Variants in TRIM37 observed in about 807,000 individuals in gnomAD.
TRIM37 encodes tripartite motif containing 37.
Under a neutral mutation model 129.8 loss-of-function variants are expected in TRIM37, and 80 were observed. The ratio of observed to expected loss-of-function variants is 0.62; its 90% CI spans 0.51 to 0.74. The LOEUF (loss-of-function observed/expected upper bound fraction) is 0.74, where lower values mean the gene tolerates loss of function less well. TRIM37 is among the 30% of genes least tolerant of loss of function. The pLI is 0.00. For missense variants in TRIM37, 1,054 were observed against 1,176.5 expected (o/e 0.90, Z 1.52); for synonymous variants, 389 against 387.1 (o/e 1.00, Z -0.06).
intron 17 of TRIM37, among the ~76,000 whole-genome samples, chr17:59,036,447 GGTGTGTGTGTGTGTGT>G (rs10625636): frequency 6.4e-5 from 9 of 140,582 alleles, no homozygotes; most frequent in Non-Finnish European, 7.6e-5. Flanking sequence ...ATTTGCTGGG[GGTGTGTGTGTGTGTGT>G]GTGTGTGTGT....
In TRIM37 at chr17:59,071,312, G is replaced by A. The variant is rs371345539; in HGVS notation, c.685-365C>T. On this transcript the variant is annotated intron_variant, in intron 8 of 23. Transcript: ENST00000262294. ...TTTTTTTTTTTTTTTTTGAGACAGA[G>A]TCTTGCTCTGTTGCCCAGGCTGGAG... Among the ~76,000 whole-genome samples the A allele has an allele frequency of 5.1e-4, 72 of 140,722 alleles. No individual in the cohort carries two copies. The Middle Eastern group carries it at 0.011, about 22-fold the overall frequency. 92.3% of individuals were successfully genotyped at this position (140,722 alleles called of 152,430 possible). A position where few individuals can be genotyped will look rare whatever the true frequency, so the allele number is the denominator to read the frequency against.
At position 59,028,571 on chromosome 17, in the gene TRIM37, T is replaced by G; in HGVS notation, c.2101A>C (p.Ser701Arg). The change falls in exon 19 of 24, where the codon AGC becomes CGC. Residue 701 changes from serine (S) to arginine (R), a missense_variant. This residue lies in a region of TRIM37 where 752 missense variants were observed against 870.8 expected (regional missense o/e 0.86). Transcript: ENST00000262294. Reference sequence around the variant, plus strand: ...ATGTCTCCAGAAGCAGCACTGCTGCTTTTTATTTCTGAAAGTGTATTCTTT... The same window carrying G: ...ATGTCTCCAGAAGCAGCACTGCTGCGTTTTATTTCTGAAAGTGTATTCTTT... ...DVKNTLSEIK[S>R]SSAASGDMQT... 6.2e-7 allele frequency: 1 copy of G among 1,614,256 alleles called. No homozygotes were observed. The highest frequency in any genetic ancestry group is 8.5e-7 in the Non-Finnish European group (1 of 1,180,044).
intron 22 of TRIM37, 98 bp downstream of exon 22, chr17:59,012,227 GCAC>G (rs1555639577): frequency 1.3e-3 from 813 of 604,852 alleles, no homozygotes; most frequent in Middle Eastern, 1.8e-3. Context: ...AGCAGCAGCA[GCAC>G]CACCACCACC....
chr17:59,041,440 T>C (rs1325170851), intron 17 of TRIM37, among the ~76,000 whole-genome samples: 5 of 152,184 alleles, frequency 3.3e-5, no homozygotes, highest in African/African-American at 4.8e-5. Flanking sequence ...TCAGAAAGAA[T>C]AGTATAAAAT....
chr17:58,978,206 A>G (rs946436217), downstream of TRIM37, among the ~76,000 whole-genome samples: 1 of 152,224 alleles, frequency 6.6e-6, no homozygotes. Context: ...CAAGTAGAAG[A>G]GCTAGGATTT....
intron 17 of TRIM37, among the ~76,000 whole-genome samples, chr17:59,035,274 T>C (rs2038339139): frequency 6.6e-6 from 1 of 151,750 alleles, no homozygotes; most frequent in South Asian, 2.1e-4. Flanking sequence ...TTGGCCAGGC[T>C]GGTCTTGAAC....
the TRIM37 span, chr17:58,969,783 G>A: frequency 6.5e-7 from 1 of 1,542,742 alleles, no homozygotes; most frequent in African/African-American, 1.4e-5. Context: ...GCTCAATTTG[G>A]TCTGTGTGGT....
intron 2 of TRIM37, among the ~76,000 whole-genome samples, chr17:59,098,557 C>CA (rs900107912): frequency 6.6e-6 from 1 of 150,638 alleles, no homozygotes; most frequent in South Asian, 2.1e-4. Context: ...CCCAGCTACT[C>CA]AAGAGTGTGA....
At chr17:59,042,595 T>C (rs963926277) in intron 16 of TRIM37, among the ~76,000 whole-genome samples, 9 of 150,644 alleles carry the variant, frequency 6.0e-5, no homozygotes, top group African/African-American at 9.8e-5. Flanking sequence ...AAACCCTGTC[T>C]CTCCTAAAAA....
At position 59,106,399 on chromosome 17, in the gene TRIM37, G is replaced by C. The variant is rs771557839; in HGVS notation, c.21+42C>G. On this transcript the variant is annotated intron_variant, in intron 1 of 23. Transcript: ENST00000262294. ...CTCCCCGAATAAAAACCGCTCATCG[G>C]GTGGGGGCGGGGACTAACCACCACC... 13 of 1,613,232 alleles carry C rather than the reference G, an allele frequency of 8.1e-6. No homozygotes were observed. In the South Asian group the frequency reaches 1.3e-4, roughly 16 times the overall value.
intron 19 of TRIM37, among the ~76,000 whole-genome samples, chr17:59,025,349 A>G (rs1332671510): frequency 2.0e-5 from 3 of 151,752 alleles, no homozygotes; most frequent in Non-Finnish European, 4.4e-5. Flanking sequence ...CCAAATAAAA[A>G]TAAGACCCAT....
downstream of TRIM37, chr17:58,980,173 A>G (rs2031276029): frequency 6.2e-7 from 1 of 1,614,070 alleles, no homozygotes; most frequent in African/African-American, 1.3e-5. This position sits in a 1 kb window ranked among gnomAD's most constrained non-coding sequence, Gnocchi z 4.7. Flanking sequence ...AATTAGTGGC[A>G]TCAGCTCGTG....
At chr17:58,985,537 C>CTCT (rs1174744142) in intron 24 of TRIM37, among the ~76,000 whole-genome samples, 1 of 152,164 alleles carries the variant, frequency 6.6e-6, no homozygotes, top group African/African-American at 2.4e-5. Flanking sequence ...TTCGCTTAGC[C>CTCT]TCTTTGAGTT....
At chr17:59,092,640 T>G (rs751307252) in intron 2 of TRIM37, among the ~76,000 whole-genome samples, 11 of 152,188 alleles carry the variant, frequency 7.2e-5, no homozygotes, top group Non-Finnish European at 1.5e-4. Flanking sequence ...ACTTTATGTT[T>G]TAATTGTCTG....
chr17:59,009,767 C>A (rs2035028795), intron 22 of TRIM37, among the ~76,000 whole-genome samples: 1 of 152,058 alleles, frequency 6.6e-6, no homozygotes, highest in South Asian at 2.1e-4. Context: ...ATTTCTAACC[C>A]TGTGACTTTG....
At chr17:59,062,777 A>T in intron 10 of TRIM37, 129 bp from the exon 11 acceptor site, 1 of 752,154 alleles carries the variant, frequency 1.3e-6, no homozygotes, top group South Asian at 1.5e-5. Context: ...AGGTGACTGA[A>T]CAGGTCAAAA....
chr17:59,001,861 A>C, intron 22 of TRIM37, 147 bp from the exon 23 acceptor site: 3 of 1,134,662 alleles, frequency 2.6e-6, no homozygotes, highest in African/African-American at 1.5e-5. Flanking sequence ...TAACAAAACA[A>C]AGACAAAAGT....
chr17:59,009,885 A>T (rs77572620), intron 22 of TRIM37, among the ~76,000 whole-genome samples: 3,171 of 152,326 alleles, frequency 0.021, 44 homozygotes, highest in Middle Eastern at 0.044. Flanking sequence ...ATACTGGTAA[A>T]GTCTTTAACA....
rs574794038 is a variant in TRIM37, at chr17:59,024,614, A to C, written c.2257+3801T>G. Among the ~76,000 whole-genome samples, 7 of 152,312 alleles carry C rather than the reference A, an allele frequency of 4.6e-5. No individual in the cohort carries two copies. In the South Asian group the frequency reaches 1.4e-3, roughly 32 times the overall value. ...ACGATCACGGCTCACTGCACCTCAA[A>C]TTCCTGACCTCAAGTAATCCTCCCA... On this transcript the variant is annotated intron_variant, in intron 19 of 23. Coordinates refer to ENST00000262294, the MANE Select transcript of TRIM37 (RefSeq NM_015294.6).
Sources: allele counts gnomAD v4.1 joint callset (sites outside exome capture counted in the v4.1 genomes callset), GRCh38; gene constraint gnomAD v4.1.1; regional missense constraint gnomAD v4.1.1; non-coding constraint Gnocchi (gnomAD v3.1); transcripts MANE v1.5; gene names NCBI Gene and HGNC (gene_info 2026-07-23, HGNC 2026-07-21).